Variants in PDE4D observed in about 807,000 individuals in gnomAD.
PDE4D encodes phosphodiesterase 4D.
A neutral mutation model predicts 87.4 loss-of-function variants in PDE4D; 24 were observed. The observed-to-expected ratio is 0.27, with a 90% CI of 0.20 to 0.39. PDE4D has a LOEUF of 0.39. Among genes scored for constraint, PDE4D ranks in the 10% least tolerant of loss-of-function variants. PDE4D has a pLI of 1.00. For missense variants in PDE4D, 714 were observed against 1,041.0 expected, an observed-to-expected ratio of 0.69 and a Z score of 4.32; for synonymous variants, 384 against 383.2, an observed-to-expected ratio of 1.00 and a Z score of -0.02.
chr5:60,414,393 C>G (rs1054888996), intron 1 of PDE4D, among the ~76,000 whole-genome samples: 17 of 152,196 alleles, frequency 1.1e-4, no homozygotes, highest in African/African-American at 4.1e-4. Flanking sequence ...TTTGATCACA[C>G]TATTAAGATA....
intron 1 of PDE4D, among the ~76,000 whole-genome samples, chr5:59,259,190 T>G (rs996883908): frequency 1.3e-5 from 2 of 151,938 alleles, no homozygotes; most frequent in African/African-American, 2.4e-5. Flanking sequence ...GCATTTTTTT[T>G]GGTTTGCTGT....
rs796777676 is a variant in PDE4D, at chr5:60,031,941, A to G, written c.43-43224T>C. Among the ~76,000 whole-genome samples, 6 of 152,296 alleles carry G rather than the reference A, an allele frequency of 3.9e-5. 1 individual carries two copies. The highest frequency in any genetic ancestry group is 1.4e-4 in the African/African-American group (6 of 41,582). On this transcript the variant is annotated intron_variant, in intron 2 of 16. Coordinates refer to the PDE4D transcript ENST00000502484. ...GAAGCAAATTACAAGAATAATTAAA[A>G]TCAGCTTTGTTTTCTAGCTATTATC...
chr5:60,235,482 A>G (rs1457776505), intron 1 of PDE4D, among the ~76,000 whole-genome samples: 1 of 151,894 alleles, frequency 6.6e-6, no homozygotes, highest in Non-Finnish European at 1.5e-5. Flanking sequence ...CTACCTGGAA[A>G]TATAAACAGT....
chr5:60,120,222 T>C (rs1489756162), intron 2 of PDE4D, among the ~76,000 whole-genome samples: 1 of 152,214 alleles, frequency 6.6e-6, no homozygotes, highest in African/African-American at 2.4e-5. Flanking sequence ...ATTCATGTTT[T>C]CAAGACAAGT....
chr5:60,092,050 CAAAAAAAAAAAA>C lies in PDE4D; in HGVS notation c.42+93495_42+93506del, dbSNP rs66814905. Among the ~76,000 whole-genome samples the C allele has an allele frequency of 1.4e-4, 8 of 56,000 alleles. No homozygotes were observed. The South Asian group carries it at 1.5e-3, about 11-fold the overall frequency. The allele number at this position is 56,000 out of a possible 152,430, so 36.7% of individuals were successfully genotyped here. A position where few individuals can be genotyped will look rare whatever the true frequency, so the allele number is the denominator to read the frequency against. ...TGGGCGACAGAGCGAAACTCCGTCT[CAAAAAAAAAAAA>C]AAAAAAAAAAAAAAAAGAAAATGTG... On this transcript the variant is annotated intron_variant, in intron 2 of 16. Coordinates refer to the PDE4D transcript ENST00000502484.
chr5:59,529,151 G>A (rs1401125337), intron 1 of PDE4D: 10 of 481,216 alleles, frequency 2.1e-5, no homozygotes, highest in African/African-American at 1.6e-4. Flanking sequence ...TGTGGAATTG[G>A]GCCCCTCTTC....
At chr5:59,794,774 C>CA (rs1049156973) in intron 1 of PDE4D, among the ~76,000 whole-genome samples, 7 of 151,716 alleles carry the variant, frequency 4.6e-5, no homozygotes, top group South Asian at 4.2e-4. Flanking sequence ...ATGAATTGTG[C>CA]AAAAAAAAGT....
At chr5:59,905,117 A>G (rs79895746) in intron 3 of PDE4D, among the ~76,000 whole-genome samples, 1 of 152,270 alleles carries the variant, frequency 6.6e-6, no homozygotes, top group Non-Finnish European at 1.5e-5. Context: ...TTTCCTCAGC[A>G]TGACACTATC....
At chr5:59,895,585 C>T (rs1162662304), upstream of PDE4D, among the ~76,000 whole-genome samples, 1 of 152,174 alleles carries the variant, frequency 6.6e-6, no homozygotes, top group Admixed American at 6.5e-5. Context: ...CAGTATTTTC[C>T]CAAACACAAA....
At chr5:60,008,143 A>G (rs904714693) in intron 2 of PDE4D, among the ~76,000 whole-genome samples, 2 of 151,966 alleles carry the variant, frequency 1.3e-5, no homozygotes, top group Admixed American at 1.3e-4. Flanking sequence ...GATTGGGTCT[A>G]ATTGCTCTGC....
chr5:59,940,338 G>T (rs1757049318), intron 3 of PDE4D, among the ~76,000 whole-genome samples: 1 of 152,160 alleles, frequency 6.6e-6, no homozygotes, highest in African/African-American at 2.4e-5. Flanking sequence ...GTAGAGATTA[G>T]ATTGGATACC....
intron 1 of PDE4D, among the ~76,000 whole-genome samples, chr5:59,788,654 T>C (rs1377416495): frequency 6.6e-6 from 1 of 152,178 alleles, no homozygotes; most frequent in African/African-American, 2.4e-5. Context: ...AGAGCAGTGG[T>C]TCCAAGAAGG....
chr5:59,217,913 G>A (rs572449090), intron 1 of PDE4D: 306 of 396,444 alleles, frequency 7.7e-4, no homozygotes, highest in African/African-American at 6.2e-3. Flanking sequence ...ACTCTCCTTG[G>A]ATATGCTTAA....
chr5:59,574,945 G>A (rs777183132), intron 1 of PDE4D, among the ~76,000 whole-genome samples: 25 of 152,068 alleles, frequency 1.6e-4, no homozygotes, highest in Non-Finnish European at 3.4e-4. Context: ...CATATATAGT[G>A]TGATTATAAC....
intron 5 of PDE4D, among the ~76,000 whole-genome samples, chr5:59,150,000 T>C (rs1779251574): frequency 6.6e-6 from 1 of 152,132 alleles, no homozygotes; most frequent in Admixed American, 6.5e-5. Context: ...TGAATGAATA[T>C]TTTGGAAATG....
chr5:60,330,052 A>G (rs1757181029), intron 1 of PDE4D, among the ~76,000 whole-genome samples: 1 of 151,978 alleles, frequency 6.6e-6, no homozygotes, highest in Non-Finnish European at 1.5e-5. Context: ...AAAAAAAGTC[A>G]CTCTGGGAGG....
At chr5:59,929,756 C>T (rs1280269520) in intron 3 of PDE4D, among the ~76,000 whole-genome samples, 1 of 152,104 alleles carries the variant, frequency 6.6e-6, no homozygotes, top group African/African-American at 2.4e-5. Flanking sequence ...TATTAGTAGA[C>T]CTGACTCTAG....
intron 2 of PDE4D, among the ~76,000 whole-genome samples, chr5:60,040,987 T>C (rs1024313151): frequency 6.6e-6 from 1 of 152,230 alleles, no homozygotes; most frequent in Non-Finnish European, 1.5e-5. Flanking sequence ...AGTATTTTAG[T>C]ATTTTAGCTG....
chr5:59,688,884 T>G (rs12109025), intron 1 of PDE4D, among the ~76,000 whole-genome samples: 12,943 of 151,498 alleles, frequency 0.085, 1,694 homozygotes, highest in African/African-American at 0.29. Flanking sequence ...ATGATAAAGG[T>G]GATATCACCA....
Sources: allele counts gnomAD v4.1 joint callset (sites outside exome capture counted in the v4.1 genomes callset), GRCh38; gene constraint gnomAD v4.1.1; transcripts MANE v1.5; gene names NCBI Gene and HGNC (gene_info 2026-07-23, HGNC 2026-07-21).